PLCE1: variants seen among roughly 807,000 people sequenced by gnomAD.
PLCE1 encodes 1-phosphatidylinositol 4,5-bisphosphate phosphodiesterase epsilon-1.
PLCE1 carries 119 observed loss-of-function variants against 242.8 expected under a neutral mutation model. The observed-to-expected ratio is 0.49, with a 90% confidence interval of 0.42 to 0.57. The LOEUF is 0.57. Ranked by LOEUF, PLCE1 falls within the 20% of genes least tolerant of loss-of-function variation. PLCE1 has a pLI of 0.00. For missense variants in PLCE1, 2,441 were observed against 2,788.8 expected (o/e 0.88, Z 2.81); for synonymous variants, 945 against 1,017.4 (o/e 0.93, Z 1.35).
At chr10:94,071,495 G>GTTTTTTTTTTTTTTTGTT (rs2044353719) in intron 2 of PLCE1, among the ~76,000 whole-genome samples, 1 of 83,312 alleles carries the variant, frequency 1.2e-5, no homozygotes, top group African/African-American at 5.4e-5. Context: ...TTTGGTTTTC[G>GTTTTTTTTTTTTTTTGTT]TTTTTTTTTT....
intron 2 of PLCE1, among the ~76,000 whole-genome samples, chr10:94,038,288 C>T (rs1248755915): frequency 6.6e-6 from 1 of 152,160 alleles, no homozygotes; most frequent in Non-Finnish European, 1.5e-5. Context: ...CACGACTAGA[C>T]TAACTGGTGG....
intron 20 of PLCE1, chr10:94,283,115 A>G (rs1278610092): frequency 6.6e-6 from 1 of 152,146 alleles, no homozygotes; most frequent in Admixed American, 6.6e-5. Flanking sequence ...CACTTCTAAT[A>G]CCTTTAGAGT....
chr10:94,179,155 A>G (rs2048215647), intron 4 of PLCE1, among the ~76,000 whole-genome samples: 1 of 152,224 alleles, frequency 6.6e-6, no homozygotes, highest in African/African-American at 2.4e-5. Context: ...GGAGTAACAG[A>G]TATTTTACTC....
intron 26 of PLCE1, among the ~76,000 whole-genome samples, chr10:94,307,844 T>C (rs2053254914): frequency 6.6e-6 from 1 of 152,192 alleles, no homozygotes; most frequent in African/African-American, 2.4e-5. Context: ...ATGGGGAGTA[T>C]AGGGTCGGGG....
intron 19 of PLCE1, among the ~76,000 whole-genome samples, chr10:94,274,148 T>C (rs1281817485): frequency 6.6e-6 from 1 of 152,156 alleles, no homozygotes; most frequent in Non-Finnish European, 1.5e-5. Flanking sequence ...TTTATGCTGC[T>C]TGGGCCCAGA....
chr10:94,138,080 G>A (rs978842974), intron 3 of PLCE1: 8 of 355,252 alleles, frequency 2.3e-5, no homozygotes, highest in African/African-American at 1.3e-4. Flanking sequence ...GTCTGTGGGC[G>A]GCTCTGTGGC....
chr10:94,321,141 T>C (rs546029570), intron 29 of PLCE1, among the ~76,000 whole-genome samples: 1 of 152,362 alleles, frequency 6.6e-6, no homozygotes, highest in South Asian at 2.1e-4. Context: ...GCCTTGTCAC[T>C]GCAGTTTTGT....
In PLCE1 at chr10:94,147,563, G is replaced by A. The variant is rs549085599; in HGVS notation, c.1492+15104G>A. Among the ~76,000 whole-genome samples the A allele has an allele frequency of 5.3e-5, 8 of 152,294 alleles. No individual in the cohort carries two copies. The South Asian group carries it at 6.2e-4, about 12-fold the overall frequency. On this transcript the variant is annotated intron_variant, in intron 3 of 32. Coordinates refer to ENST00000371380, the MANE Select transcript of PLCE1 (RefSeq NM_016341.4). ...GTAAATAGTCAATTGAGTGCCTGCC[G>A]TGGACTAGATGCTATGCTAGGCACT...
In PLCE1 at chr10:94,114,581, G is replaced by A. The variant is rs57393792; in HGVS notation, c.1207-17593G>A. On this transcript the variant is annotated intron_variant, in intron 2 of 32. Transcript: ENST00000371380. Reference sequence around the variant, plus strand: ...TTTTATGCTTGGATTTTTATACCAAGCCTCATAGCACCTCCCATGTAGGTA... The same window carrying A: ...TTTTATGCTTGGATTTTTATACCAAACCTCATAGCACCTCCCATGTAGGTA... 1.6e-3 allele frequency among the ~76,000 whole-genome samples: 246 copies of A among 152,162 alleles called. 1 individual carries two copies. Among genetic ancestry groups the A allele is most frequent in the African/African-American group, 5.9e-3 (243 of 41,526 alleles).
chr10:94,036,488 A>G (rs1364451246), intron 2 of PLCE1, among the ~76,000 whole-genome samples: 1 of 152,130 alleles, frequency 6.6e-6, no homozygotes, highest in East Asian at 1.9e-4. Context: ...ATATTTGCAC[A>G]GCTGTGTAGA....
chr10:94,068,350 G>A (rs150250368), intron 2 of PLCE1, among the ~76,000 whole-genome samples: 166 of 151,986 alleles, frequency 1.1e-3, no homozygotes, highest in Middle Eastern at 3.4e-3. Context: ...ATGCATCCTC[G>A]GATTCAAGCA....
chr10:94,184,679 C>T (rs2048414797), intron 4 of PLCE1, among the ~76,000 whole-genome samples: 1 of 152,200 alleles, frequency 6.6e-6, no homozygotes, highest in Non-Finnish European at 1.5e-5. Context: ...CTGTTTTAGC[C>T]ACACAACCTT....
At chr10:94,162,292 T>C (rs956700869) in intron 3 of PLCE1, among the ~76,000 whole-genome samples, 4 of 152,312 alleles carry the variant, frequency 2.6e-5, no homozygotes, top group African/African-American at 9.6e-5. Flanking sequence ...GTCCTGGACT[T>C]TTTTTGGTTG....
intron 23 of PLCE1, among the ~76,000 whole-genome samples, chr10:94,296,147 G>A (rs1475566303): frequency 6.6e-6 from 1 of 152,082 alleles, no homozygotes; most frequent in South Asian, 2.1e-4. Flanking sequence ...TGGATCACAA[G>A]GTCAGGAGAT....
At chr10:94,287,241 T>A (rs2052482850) in intron 22 of PLCE1, 2 of 152,190 alleles carry the variant, frequency 1.3e-5, no homozygotes, top group South Asian at 4.1e-4. Flanking sequence ...TTCTTACATT[T>A]TTTCCCTGAT....
In PLCE1 at chr10:94,227,337, C is replaced by T. The variant is rs752386035; in HGVS notation, c.1841C>T (p.Thr614Met). The T allele has an allele frequency of 5.9e-5, 96 of 1,613,858 alleles. No individual in the cohort carries two copies. The highest frequency in any genetic ancestry group is 7.4e-5 in the Non-Finnish European group (87 of 1,179,880). The change falls in exon 5 of 33, where the codon ACG (threonine) becomes ATG (methionine). Residue 614 changes from threonine to methionine, a missense_variant. Physicochemically the swap from Thr to Met is moderately conservative, Grantham distance 81. Coordinates refer to ENST00000371380, the MANE Select transcript of PLCE1 (RefSeq NM_016341.4). ...VSSWVTWLIL[T>M]AGSMEEKREV... ...TCCTGGGTGACATGGCTGATCCTCA[C>T]GGCAGGCTCCATGGAGGAGAAGCGA...
In PLCE1 at chr10:94,306,302, C is replaced by T; in HGVS notation, c.5623-125C>T. 1 of 1,521,050 alleles carries T rather than the reference C, an allele frequency of 6.6e-7. No individual in the cohort carries two copies. The highest frequency in any genetic ancestry group is 1.7e-5 in the Admixed American group (1 of 59,562). 94.2% of individuals were successfully genotyped at this position (1,521,050 alleles called of 1,614,324 possible). A position where few individuals can be genotyped will look rare whatever the true frequency, so the allele number is the denominator to read the frequency against. On this transcript the variant is annotated intron_variant, in intron 25 of 32. Coordinates refer to ENST00000371380, the MANE Select transcript of PLCE1 (RefSeq NM_016341.4). This position sits in a 1 kb window ranked among gnomAD's most constrained non-coding sequence, Gnocchi z 5.7. ...CACTTACTTTTTAAACAGTTTTATT[C>T]ATCATTCACTTTGTCCATTCCAGTG...
chr10:94,250,224 A>C (rs2050828619), intron 8 of PLCE1, among the ~76,000 whole-genome samples: 1 of 151,730 alleles, frequency 6.6e-6, no homozygotes, highest in Admixed American at 6.6e-5. Flanking sequence ...AAGGTAGGCC[A>C]GGTGCGGTGG....
At chr10:94,220,379 TA>T (rs2049691498) in intron 4 of PLCE1, among the ~76,000 whole-genome samples, 5 of 30,962 alleles carry the variant, frequency 1.6e-4, no homozygotes, top group Non-Finnish European at 3.1e-4. Context: ...AAACATTTTA[TA>T]TATATATATA....
Sources: allele counts gnomAD v4.1 joint callset (sites outside exome capture counted in the v4.1 genomes callset), GRCh38; gene constraint gnomAD v4.1.1; non-coding constraint Gnocchi (gnomAD v3.1); transcripts MANE v1.5; gene names NCBI Gene and HGNC (gene_info 2026-07-23, HGNC 2026-07-21).